Variants in ZNF654 observed in about 807,000 individuals in gnomAD.
The protein encoded by ZNF654 is melanoma-associated antigen.
A neutral mutation model predicts 95.3 loss-of-function variants in ZNF654; 19 were observed. That is an observed-to-expected ratio of 0.20 (90% CI 0.14 to 0.29). ZNF654 has a LOEUF of 0.29. Ranked by LOEUF, ZNF654 falls within the 10% of genes least tolerant of loss-of-function variation. The pLI, the probability that ZNF654 is intolerant of heterozygous loss-of-function variation, is 1.00. For synonymous variants in ZNF654, 413 were observed against 457.9 expected, an observed-to-expected ratio of 0.90 and a Z score of 1.25; for missense variants, 1,046 against 1,341.0, an observed-to-expected ratio of 0.78 and a Z score of 3.44.
At chr3:88,094,336 T>G (rs964882248) in intron 2 of ZNF654, among the ~76,000 whole-genome samples, 1 of 152,164 alleles carries the variant, frequency 6.6e-6, no homozygotes, top group African/African-American at 2.4e-5. Context: ...AATTTTGGTC[T>G]TTATTGCTCC....
chr3:88,123,057 T>C (rs1374473715), intron 3 of ZNF654, among the ~76,000 whole-genome samples: 1 of 151,400 alleles, frequency 6.6e-6, no homozygotes, highest in East Asian at 1.9e-4. Flanking sequence ...ATACAATGTG[T>C]ATATATACCC....
At position 88,139,196 on chromosome 3, in the gene ZNF654, G is replaced by T; in HGVS notation, c.1527G>T (p.Glu509Asp). The T allele has an allele frequency of 6.9e-7, 1 of 1,454,792 alleles. No homozygotes were observed. Among genetic ancestry groups the T allele is most frequent in the Non-Finnish European group, 9.0e-7 (1 of 1,105,282 alleles). 90.1% of individuals were successfully genotyped at this position (1,454,792 alleles called of 1,614,324 possible). ...FDSLTDQSTG[E>D]TDPDDVSGVQ... ...CTCTTACAGATCAGAGCACTGGAGA[G>T]ACTGATCCTGATGATGTATCTGGAG... is the stretch of plus-strand genomic sequence containing the variant. Residue 509 changes from glutamate (E) to aspartate (D), a missense_variant, in exon 8 of 9, where the codon GAG becomes GAT. Physicochemically the swap from Glu to Asp is conservative, Grantham distance 45 (BLOSUM62 2). This residue lies in a region of ZNF654 where 100 missense variants were observed against 108.9 expected (regional missense o/e 0.92). Coordinates refer to ENST00000636215, the MANE Select transcript of ZNF654 (RefSeq NM_001350134.2).
intron 3 of ZNF654, among the ~76,000 whole-genome samples, chr3:88,115,172 T>C (rs1705316350): frequency 6.6e-6 from 1 of 152,198 alleles, no homozygotes; most frequent in Non-Finnish European, 1.5e-5. Flanking sequence ...GGAGGGGACC[T>C]GATAGTCTGC....
chr3:88,113,331 A>G (rs908627511), intron 3 of ZNF654, 135 bp downstream of exon 3: 13 of 490,962 alleles, frequency 2.6e-5, no homozygotes, highest in Middle Eastern at 8.2e-4. Flanking sequence ...TTAAGATCCT[A>G]TTATTACTGG....
intron 2 of ZNF654, among the ~76,000 whole-genome samples, chr3:88,101,532 C>A (rs1021444485): frequency 6.6e-6 from 1 of 152,006 alleles, no homozygotes; most frequent in African/African-American, 2.4e-5. Flanking sequence ...TAGCTCATTT[C>A]TTTTTGTGCT....
At chr3:88,068,835 T>C (rs1707344645) in intron 1 of ZNF654, among the ~76,000 whole-genome samples, 1 of 152,174 alleles carries the variant, frequency 6.6e-6, no homozygotes, top group Admixed American at 6.5e-5. Flanking sequence ...TAGTATGTGA[T>C]AATCAGACTG....
At chr3:88,106,769 C>T (rs1704765904) in intron 2 of ZNF654, among the ~76,000 whole-genome samples, 1 of 152,068 alleles carries the variant, frequency 6.6e-6, no homozygotes, top group Non-Finnish European at 1.5e-5. Flanking sequence ...AGTTTCTTAT[C>T]ATAGTTAAAC....
chr3:88,086,102 C>A (rs868866461), intron 1 of ZNF654, among the ~76,000 whole-genome samples, 155 bp from the exon 2 acceptor site: 1 of 152,052 alleles, frequency 6.6e-6, no homozygotes, highest in Non-Finnish European at 1.5e-5. Flanking sequence ...AGATATATAT[C>A]GTCAAAATAA....
intron 1 of ZNF654, among the ~76,000 whole-genome samples, chr3:88,072,687 A>C (rs1257016880): frequency 6.6e-6 from 1 of 152,084 alleles, no homozygotes; most frequent in Non-Finnish European, 1.5e-5. Context: ...CCTGTGTTTT[A>C]TTAATATTAT....
At chr3:88,116,020 A>G (rs2107778142) in intron 3 of ZNF654, among the ~76,000 whole-genome samples, 1 of 152,288 alleles carries the variant, frequency 6.6e-6, no homozygotes, top group South Asian at 2.1e-4. Flanking sequence ...AAGATAATAT[A>G]GAGAGAAAGA....
At chr3:88,132,900 A>G (rs1376918482) in intron 6 of ZNF654, among the ~76,000 whole-genome samples, 2 of 152,208 alleles carry the variant, frequency 1.3e-5, no homozygotes, top group Non-Finnish European at 2.9e-5. Context: ...TCTGTGCCTA[A>G]ATAGGAAAAC....
intron 2 of ZNF654, among the ~76,000 whole-genome samples, chr3:88,090,524 A>G (rs187159540): frequency 6.6e-6 from 1 of 151,630 alleles, no homozygotes; most frequent in Admixed American, 6.6e-5. Flanking sequence ...AGTTAAAAGT[A>G]AAAAGTTTAT....
intron 3 of ZNF654, among the ~76,000 whole-genome samples, chr3:88,125,457 T>C (rs1576329834): frequency 6.6e-6 from 1 of 152,208 alleles, no homozygotes; most frequent in Non-Finnish European, 1.5e-5. Flanking sequence ...AGAAAATGTA[T>C]GGACAAATTC....
At chr3:88,138,024 A>G (rs963516102) in intron 7 of ZNF654, among the ~76,000 whole-genome samples, 1 of 152,166 alleles carries the variant, frequency 6.6e-6, no homozygotes, top group African/African-American at 2.4e-5. Context: ...ATTCCCAAGT[A>G]AAAGCTGATG....
chr3:88,090,755 A>G (rs1708589307), intron 2 of ZNF654, among the ~76,000 whole-genome samples: 1 of 152,210 alleles, frequency 6.6e-6, no homozygotes, highest in African/African-American at 2.4e-5. Flanking sequence ...TTTATCTTTT[A>G]CACCAGGGGT....
Position 88,140,409 on chromosome 3 carries a change from A to G in ZNF654, c.2740A>G (p.Thr914Ala). Residue 914 changes from threonine to alanine, a missense_variant, in exon 8 of 9, where the codon ACT becomes GCT. This residue lies in a region of ZNF654 where 495 missense variants were observed against 537.0 expected (regional missense o/e 0.92). Transcript: ENST00000636215. ...EKQTISLPVS[T>A]SKSRKESTEP... is the part of the protein sequence containing the mutation. The stretch of plus-strand genomic sequence containing the variant: ...ACAAACTATTAGTCTGCCAGTTTCT[A>G]CTAGCAAATCAAGGAAAGAGTCTAC... 2 of 1,613,324 alleles carry G rather than the reference A, an allele frequency of 1.2e-6. No homozygotes were observed. Among genetic ancestry groups the G allele is most frequent in the Non-Finnish European group, 1.7e-6 (2 of 1,179,584 alleles).
chr3:88,092,478 T>A (rs1489953704), intron 2 of ZNF654, among the ~76,000 whole-genome samples: 1 of 152,254 alleles, frequency 6.6e-6, no homozygotes, highest in East Asian at 1.9e-4. Context: ...AAAAATGTGC[T>A]GGGTGAGCTA....
intron 2 of ZNF654, among the ~76,000 whole-genome samples, chr3:88,102,021 A>G (rs962217408): frequency 6.6e-6 from 1 of 151,388 alleles, no homozygotes; most frequent in African/African-American, 2.5e-5. Flanking sequence ...ACTGAGTTCT[A>G]AGAATTCTTT....
At chr3:88,092,786 C>G (rs1298521549) in intron 2 of ZNF654, among the ~76,000 whole-genome samples, 1 of 152,122 alleles carries the variant, frequency 6.6e-6, no homozygotes, top group African/African-American at 2.4e-5. Flanking sequence ...ACTATATTCT[C>G]TGGCAGTATT....
Sources: gnomAD v4.1 joint callset for allele counts (sites outside exome capture counted in the v4.1 genomes callset) on GRCh38, gnomAD v4.1.1 for gene constraint, gnomAD v4.1.1 regional missense constraint, MANE v1.5 for transcripts, NCBI Gene and HGNC (gene_info 2026-07-23, HGNC 2026-07-21) for gene names.